The following NAALADL2 variants were observed in gnomAD, a reference collection of about 807,000 sequenced individuals.
NAALADL2 encodes the protein N-acetylated alpha-linked acidic dipeptidase like 2.
In NAALADL2, 76 loss-of-function variants were observed where a neutral mutation model predicts 87.2. The ratio of observed to expected loss-of-function variants is 0.87; its 90% CI spans 0.72 to 1.05. The LOEUF is 1.05. Among genes scored for constraint, NAALADL2 ranks in the 50% least tolerant of loss-of-function variants. The probability of loss-of-function intolerance (pLI) is 0.00; values close to 1 mark genes in which losing one functional copy is unlikely to be tolerated. For synonymous variants in NAALADL2, 354 were observed against 331.0 expected (o/e 1.07, Z -0.75); for missense variants, 1,089 against 945.8 (o/e 1.15, Z -1.99).
intron 11 of NAALADL2, among the ~76,000 whole-genome samples, chr3:175,701,174 A>C (rs1352339600): frequency 6.6e-6 from 1 of 152,052 alleles, no homozygotes; most frequent in African/African-American, 2.4e-5. Flanking sequence ...CGCTCATTGG[A>C]GGCTGTAGGG....
chr3:175,385,592 C>T (rs1229728377), intron 5 of NAALADL2, among the ~76,000 whole-genome samples: 10 of 152,028 alleles, frequency 6.6e-5, no homozygotes. Context: ...TAACATTAAT[C>T]AATTGTACAT....
intron 2 of NAALADL2, among the ~76,000 whole-genome samples, chr3:174,642,171 C>T (rs143533479): frequency 3.1e-4 from 47 of 151,968 alleles, no homozygotes; most frequent in Admixed American, 2.2e-3. Context: ...GTGAAGGAAA[C>T]GCATTTTCAA....
Position 175,368,169 on chromosome 3 carries a change from C to T in NAALADL2, c.1090+43844C>T, listed in dbSNP as rs965086845. ...ACGCTGGATTACATTTATTGATTTG[C>T]GTATATTGAACCAGCCTTGCATCCC... On this transcript the variant is annotated intron_variant, in intron 5 of 13. Transcript: ENST00000454872. 2.0e-3 allele frequency among the ~76,000 whole-genome samples: 300 copies of T among 152,112 alleles called. 1 individual carries two copies. The highest frequency in any genetic ancestry group is 6.3e-3 in the African/African-American group (260 of 41,478).
chr3:174,567,576 T>C (rs1231931526), intron 2 of NAALADL2, among the ~76,000 whole-genome samples: 1 of 151,638 alleles, frequency 6.6e-6, no homozygotes, highest in Non-Finnish European at 1.5e-5. Flanking sequence ...TAATACAAAA[T>C]GAGTTACAAA....
At chr3:174,912,106 C>A (rs1354802207) in intron 1 of NAALADL2, among the ~76,000 whole-genome samples, 1 of 151,986 alleles carries the variant, frequency 6.6e-6, no homozygotes, top group Non-Finnish European at 1.5e-5. Context: ...CTCTCTCTGA[C>A]AATTTCTTTA....
At chr3:175,294,037 C>T (rs931166537) in intron 4 of NAALADL2, among the ~76,000 whole-genome samples, 4 of 152,118 alleles carry the variant, frequency 2.6e-5, no homozygotes, top group Admixed American at 1.3e-4. Context: ...CCAGGTACAC[C>T]GAGCAGGCGG....
intron 3 of NAALADL2, among the ~76,000 whole-genome samples, chr3:175,251,976 CA>C (rs1217378190): frequency 2.4e-4 from 36 of 152,272 alleles, no homozygotes; most frequent in African/African-American, 8.7e-4. Context: ...CATGCTAAAA[CA>C]CTTTGATTTA....
intron 3 of NAALADL2, among the ~76,000 whole-genome samples, chr3:174,805,981 G>C (rs9290517): frequency 0.75 from 113,324 of 152,018 alleles, 42,837 homozygotes; most frequent in African/African-American, 0.88. Context: ...GTGCTAGTGT[G>C]TTTTCTGCCT....
At chr3:175,100,023 T>G (rs1368161247) in intron 2 of NAALADL2, among the ~76,000 whole-genome samples, 1 of 150,698 alleles carries the variant, frequency 6.6e-6, no homozygotes, top group Admixed American at 6.6e-5. Context: ...ACATAGTATT[T>G]ATATTATATG....
chr3:175,800,961 T>C (rs964642635), intron 13 of NAALADL2, among the ~76,000 whole-genome samples: 1 of 152,148 alleles, frequency 6.6e-6, no homozygotes, highest in Non-Finnish European at 1.5e-5. Flanking sequence ...GGGTTCTGGC[T>C]TAGGGCATTA....
At chr3:174,886,880 C>T (rs143854815) in intron 1 of NAALADL2, among the ~76,000 whole-genome samples, 1 of 152,264 alleles carries the variant, frequency 6.6e-6, no homozygotes, top group African/African-American at 2.4e-5. Context: ...TCTATTGGGT[C>T]CTTTGGCCAT....
At chr3:174,986,602 T>G (rs1221410823) in intron 1 of NAALADL2, among the ~76,000 whole-genome samples, 1 of 152,084 alleles carries the variant, frequency 6.6e-6, no homozygotes, top group Non-Finnish European at 1.5e-5. Context: ...TAGCATATCT[T>G]AATTAATATG....
intron 2 of NAALADL2, among the ~76,000 whole-genome samples, chr3:175,189,788 G>A (rs1420732476): frequency 6.6e-6 from 1 of 152,100 alleles, no homozygotes; most frequent in Non-Finnish European, 1.5e-5. Context: ...AACAGCATTT[G>A]GGACATTACA....
At chr3:175,347,039 A>G (rs1485271848) in intron 5 of NAALADL2, among the ~76,000 whole-genome samples, 1 of 152,146 alleles carries the variant, frequency 6.6e-6, no homozygotes, top group African/African-American at 2.4e-5. Flanking sequence ...CACAGAGGCA[A>G]GTCATTTGCT....
chr3:174,508,114 G>GTTTTTTTTTTTTTTTTTTTTTTT (rs1311325384), intron 1 of NAALADL2, among the ~76,000 whole-genome samples: 1 of 103,884 alleles, frequency 9.6e-6, no homozygotes, highest in Non-Finnish European at 1.9e-5. Flanking sequence ...ATATCTAGTG[G>GTTTTTTTTTTTTTTTTTTTTTTT]TTTTTTTTTT....
At chr3:175,374,824 TAATGAC>T (rs1766943258) in intron 5 of NAALADL2, among the ~76,000 whole-genome samples, 1 of 151,404 alleles carries the variant, frequency 6.6e-6, no homozygotes, top group Admixed American at 6.6e-5. Flanking sequence ...CAGTGAGCTG[TAATGAC>T]ACTACTGCAC....
intron 2 of NAALADL2, among the ~76,000 whole-genome samples, chr3:174,568,277 C>T (rs1714526133): frequency 1.3e-5 from 2 of 151,726 alleles, no homozygotes; most frequent in Admixed American, 6.6e-5. Flanking sequence ...ATCACCATTA[C>T]AGGTGATCTC....
In NAALADL2 at chr3:175,105,889, A is replaced by T. The variant is rs113192385; in HGVS notation, c.545+8598A>T. ...TATTTTTCTATAAAGAAAAAATGAA[A>T]ATAAAGATTTCACAAAAGGTATTTC... On this transcript the variant is annotated intron_variant, in intron 2 of 13. Coordinates refer to ENST00000454872, the MANE Select transcript of NAALADL2 (RefSeq NM_207015.3). 7.1e-3 allele frequency among the ~76,000 whole-genome samples: 1,079 copies of T among 152,222 alleles called. 20 individuals are homozygous for T. Among genetic ancestry groups the T allele is most frequent in the African/African-American group, 0.025 (1,041 of 41,546 alleles).
intron 3 of NAALADL2, among the ~76,000 whole-genome samples, chr3:174,848,795 G>A (rs1211310609): frequency 6.6e-6 from 1 of 152,140 alleles, no homozygotes; most frequent in African/African-American, 2.4e-5. Context: ...GAACACCATA[G>A]AGTGTACTTC....
Sources: allele counts gnomAD v4.1 joint callset (sites outside exome capture counted in the v4.1 genomes callset), GRCh38; gene constraint gnomAD v4.1.1; transcripts MANE v1.5; gene names NCBI Gene and HGNC (gene_info 2026-07-23, HGNC 2026-07-21).